The following GAB4 variants were observed in gnomAD, a reference collection of about 807,000 sequenced individuals.
GAB4 encodes the protein GRB2 associated binding protein family member 4.
In GAB4, 26 loss-of-function variants were observed where a neutral mutation model predicts 51.3. That is an observed-to-expected ratio of 0.51 (90% CI 0.37 to 0.70). GAB4 has a LOEUF of 0.70. Among genes scored for constraint, GAB4 ranks in the 30% least tolerant of loss-of-function variants. The pLI, the probability that GAB4 is intolerant of heterozygous loss-of-function variation, is 0.00. For missense variants in GAB4, 759 were observed against 734.6 expected (o/e 1.03, Z -0.38); for synonymous variants, 329 against 291.2 (o/e 1.13, Z -1.32).
At chr22:16,962,899 G>A in intron 9 of GAB4, 23 bp from the exon 10 acceptor site, 4 of 1,601,990 alleles carry the variant, frequency 2.5e-6, no homozygotes, top group East Asian at 2.2e-5. Flanking sequence ...GGGTGGAAGT[G>A]GGAGTGGCAG....
Position 16,966,289 on chromosome 22 carries a change from G to A in GAB4, c.1099C>T (p.Pro367Ser). 1.9e-6 allele frequency: 3 copies of A among 1,613,860 alleles called. No individual in the cohort carries two copies. The highest frequency in any genetic ancestry group is 1.1e-5 in the South Asian group (1 of 91,074). The change falls in exon 6 of 10, where the codon CCT (proline) becomes TCT (serine). Residue 367 changes from proline (P) to serine (S), a missense_variant. Physicochemically the swap from Pro to Ser is moderately conservative, Grantham distance 74. This residue lies in a region of GAB4 where 588 missense variants were observed against 510.2 expected (regional missense o/e 1.15). Coordinates refer to ENST00000400588, the MANE Select transcript of GAB4 (RefSeq NM_001037814.1). ...GCTTGCTTCACAGCCGGCAGGGTAG[G>A]GGAGCCTGGGTTCATGGGCACACAG... ...GSCVPMNPGS[P>S]TLPAVKQAGD...
chr22:16,994,212 C>G (rs2060934180), intron 1 of GAB4, among the ~76,000 whole-genome samples: 1 of 152,134 alleles, frequency 6.6e-6, no homozygotes, highest in African/African-American at 2.4e-5. Context: ...TCTAATCAGG[C>G]TGTTCCCCTT....
rs1273901989 is a variant in GAB4, at chr22:16,964,871, G to A, written c.1380-9C>T. The stretch of plus-strand genomic sequence containing the variant: ...TGGAGTCAAAGGTGTGGCTGTCATG[G>A]GAAGAAGGCAAGGAGTACATCCTGG... On this transcript the variant is annotated splice_polypyrimidine_tract_variant and intron_variant, in intron 7 of 9. Coordinates refer to ENST00000400588, the MANE Select transcript of GAB4 (RefSeq NM_001037814.1). The A allele has an allele frequency of 6.2e-7, 1 of 1,610,094 alleles. No homozygotes were observed. Among genetic ancestry groups the A allele is most frequent in the South Asian group, 1.1e-5 (1 of 90,920 alleles).
chr22:16,995,138 G>C (rs745816552), intron 1 of GAB4, among the ~76,000 whole-genome samples: 3 of 152,278 alleles, frequency 2.0e-5, no homozygotes, highest in East Asian at 3.9e-4. Context: ...CTGGTTTCAC[G>C]GGCTCTGCTT....
At chr22:16,963,896 C>T (rs1305600307) in intron 8 of GAB4, 67 bp from the exon 9 acceptor site, 2 of 1,258,758 alleles carry the variant, frequency 1.6e-6, no homozygotes, top group East Asian at 4.7e-5. Flanking sequence ...CAGTGGAACA[C>T]ACCTGTGGGC....
At chr22:16,966,033 C>T in intron 6 of GAB4, 67 bp downstream of exon 6, 1 of 1,456,028 alleles carries the variant, frequency 6.9e-7, no homozygotes, top group Non-Finnish European at 9.5e-7. Flanking sequence ...ATCCAGGATC[C>T]ACCTGACACC....
rs566758313 is a variant in GAB4, at chr22:16,988,312, G to A, written c.479-145C>T. On this transcript the variant is annotated intron_variant, in intron 2 of 9. Coordinates refer to ENST00000400588, the MANE Select transcript of GAB4 (RefSeq NM_001037814.1). ...CCTCTGTCCTCCCAGAGGAGGGCTG[G>A]GGCCTCCTGGCTATCCTGGCTGAGG... 54 of 671,532 alleles carry A rather than the reference G, an allele frequency of 8.0e-5. 2 individuals carry two copies. In the South Asian group the frequency reaches 9.1e-4, roughly 11 times the overall value. The allele number at this position is 671,532 out of a possible 1,614,324, so 41.6% of individuals were successfully genotyped here. A position where few individuals can be genotyped will look rare whatever the true frequency, so the allele number is the denominator to read the frequency against.
intron 4 of GAB4, among the ~76,000 whole-genome samples, chr22:16,969,185 A>C (rs2060708542): frequency 6.6e-6 from 1 of 152,258 alleles, no homozygotes. Flanking sequence ...AAAGAGACCC[A>C]AATATAGGCT....
chr22:17,004,820 T>C (rs368791399), intron 1 of GAB4, among the ~76,000 whole-genome samples: 5 of 152,326 alleles, frequency 3.3e-5, no homozygotes, highest in African/African-American at 1.2e-4. Context: ...TGCTAAAAAC[T>C]CTCAATTAAC....
chr22:16,991,754 G>C, intron 2 of GAB4, 119 bp downstream of exon 2: 1 of 847,308 alleles, frequency 1.2e-6, no homozygotes, highest in Non-Finnish European at 1.9e-6. Context: ...AATGCCTTTA[G>C]CTTCATCACG....
intron 1 of GAB4, among the ~76,000 whole-genome samples, chr22:16,998,846 T>G (rs1381612764): frequency 6.6e-6 from 1 of 152,210 alleles, no homozygotes; most frequent in African/African-American, 2.4e-5. Flanking sequence ...GTTTTTAGCA[T>G]GAAGGGCTGT....
intron 8 of GAB4, 58 bp from the exon 9 acceptor site, chr22:16,963,887 A>C (rs2060649906): frequency 2.8e-5 from 38 of 1,345,126 alleles, no homozygotes; most frequent in Non-Finnish European, 3.9e-5. Flanking sequence ...CCCAGCACCC[A>C]GTGGAACACA....
chr22:16,970,207 A>C lies in GAB4; in HGVS notation c.687-14T>G, dbSNP rs1004217311. ...AAGCTGGCACTCCTAAGAGAGAGAA[A>C]GAAGGGAAGGGGCAGGGGTGAGAGG... On this transcript the variant is annotated splice_polypyrimidine_tract_variant and intron_variant, in intron 3 of 9. Coordinates refer to ENST00000400588, the MANE Select transcript of GAB4 (RefSeq NM_001037814.1). 6.2e-7 allele frequency: 1 copy of C among 1,613,446 alleles called. No individual in the cohort carries two copies. The highest frequency in any genetic ancestry group is 8.5e-7 in the Non-Finnish European group (1 of 1,179,634).
At chr22:17,002,119 G>A (rs1403888083) in intron 1 of GAB4, among the ~76,000 whole-genome samples, 7 of 152,168 alleles carry the variant, frequency 4.6e-5, no homozygotes, top group Admixed American at 1.3e-4. Flanking sequence ...CCCGGGTGAG[G>A]CAATGCCCCA....
At chr22:17,006,318 G>A (rs1049047977) in intron 1 of GAB4, among the ~76,000 whole-genome samples, 5 of 152,056 alleles carry the variant, frequency 3.3e-5, no homozygotes, top group Non-Finnish European at 5.9e-5. Context: ...ACCATCTCAC[G>A]CCAGTTAGAA....
intron 6 of GAB4, among the ~76,000 whole-genome samples, chr22:16,965,893 G>T (rs1454975748): frequency 2.0e-5 from 3 of 152,208 alleles, no homozygotes; most frequent in Non-Finnish European, 4.4e-5. Context: ...CCTGCTGTGA[G>T]CCAGGGCCAC....
At chr22:16,968,720 C>T (rs1177210571) in intron 4 of GAB4, among the ~76,000 whole-genome samples, 1 of 152,218 alleles carries the variant, frequency 6.6e-6, no homozygotes, top group Non-Finnish European at 1.5e-5. Flanking sequence ...CTGACTTCTG[C>T]ATGTCGGTTT....
chr22:16,992,061 T>C lies in GAB4; in HGVS notation c.290A>G (p.Asn97Ser), dbSNP rs1264365994. ...SKKPLRTINL[N>S]LCEQLDVDVT... ...ATCAACATCCAGCTGCTCACAGAGG[T>C]TCAGGTTGATGGTGCGCAGGGGCTT... Residue 97 changes from asparagine (N) to serine (S), a missense_variant, in exon 2 of 10, where the codon AAC (asparagine) becomes AGC (serine). Coordinates refer to ENST00000400588, the MANE Select transcript of GAB4 (RefSeq NM_001037814.1). 2.5e-6 allele frequency: 4 copies of C among 1,614,056 alleles called. No individual in the cohort carries two copies. In the African/African-American group the frequency reaches 5.3e-5, roughly 22 times the overall value.
intron 1 of GAB4, 88 bp from the exon 2 acceptor site, chr22:16,992,264 A>C (rs1345856366): frequency 8.4e-7 from 1 of 1,187,922 alleles, no homozygotes; most frequent in Non-Finnish European, 1.2e-6. Context: ...TAAGGATGGG[A>C]CTCGGACCTG....
Sources: allele counts gnomAD v4.1 joint callset (sites outside exome capture counted in the v4.1 genomes callset), GRCh38; gene constraint gnomAD v4.1.1; regional missense constraint gnomAD v4.1.1; transcripts MANE v1.5; gene names NCBI Gene and HGNC (gene_info 2026-07-23, HGNC 2026-07-21).